RNGTT: variants seen among roughly 807,000 people sequenced by gnomAD.
RNGTT encodes mRNA-capping enzyme.
A neutral mutation model predicts 79.3 loss-of-function variants in RNGTT; 33 were observed. That is an observed-to-expected ratio of 0.42 (90% CI 0.32 to 0.56). The LOEUF is 0.56. Among genes scored for constraint, RNGTT ranks in the 20% least tolerant of loss-of-function variants. The pLI, the probability that RNGTT is intolerant of heterozygous loss-of-function variation, is 0.17. For missense variants in RNGTT, 497 were observed against 739.1 expected, an observed-to-expected ratio of 0.67 and a Z score of 3.80; for synonymous variants, 222 against 235.9, an observed-to-expected ratio of 0.94 and a Z score of 0.54.
rs577467299 is a variant in RNGTT at position 88,725,143 on chromosome 6, T to C, written c.1439+44631A>G. Among the ~76,000 whole-genome samples, 177 of 152,360 alleles carry C rather than the reference T, an allele frequency of 1.2e-3. 1 individual carries two copies. The highest frequency in any genetic ancestry group is 2.2e-3 in the Non-Finnish European group (150 of 68,034). On this transcript the variant is annotated intron_variant, in intron 13 of 15. Transcript: ENST00000369485. ...AACAATTCCGGGGCTGGCCGGGGAT[T>C]ACATTCCCTTCCCGGGGCGGTCTCT...
chr6:88,920,883 A>G, intron 4 of RNGTT, among the ~76,000 whole-genome samples: 1 of 152,272 alleles, frequency 6.6e-6, no homozygotes, highest in Middle Eastern at 3.4e-3. Context: ...AGTGATATAT[A>G]TATATTTTGT....
intron 14 of RNGTT, among the ~76,000 whole-genome samples, chr6:88,634,847 G>T (rs1177725573): frequency 6.6e-6 from 1 of 151,992 alleles, no homozygotes; most frequent in East Asian, 1.9e-4. Flanking sequence ...AATCAATGTG[G>T]AGAGAAAAAT....
chr6:88,647,589 G>C (rs1773615116), intron 14 of RNGTT, among the ~76,000 whole-genome samples: 1 of 151,572 alleles, frequency 6.6e-6, no homozygotes, highest in Non-Finnish European at 1.5e-5. Flanking sequence ...GCATGCACCT[G>C]TAGTCCCAGC....
At chr6:88,716,883 G>T (rs550663732) in intron 13 of RNGTT, among the ~76,000 whole-genome samples, 5 of 152,038 alleles carry the variant, frequency 3.3e-5, no homozygotes, top group Admixed American at 3.3e-4. Context: ...CGAGTTACTG[G>T]GTGCAGCACA....
chr6:88,695,129 C>T (rs1775617179), intron 13 of RNGTT, among the ~76,000 whole-genome samples: 2 of 151,970 alleles, frequency 1.3e-5, no homozygotes, highest in East Asian at 3.9e-4. Flanking sequence ...GAATTTGACC[C>T]TAAAAGTTCA....
intron 11 of RNGTT, among the ~76,000 whole-genome samples, chr6:88,809,595 A>G (rs1176824338): frequency 6.6e-6 from 1 of 152,232 alleles, no homozygotes; most frequent in African/African-American, 2.4e-5. Context: ...AAAATTAAAT[A>G]ACACACTTCT....
intron 14 of RNGTT, among the ~76,000 whole-genome samples, chr6:88,647,856 C>A (rs1773639160): frequency 1.3e-5 from 2 of 151,740 alleles, no homozygotes; most frequent in Non-Finnish European, 2.9e-5. Flanking sequence ...GTAAGTCTAA[C>A]AGACTTAGGC....
chr6:88,761,018 T>TACACAC (rs59719740), intron 13 of RNGTT, among the ~76,000 whole-genome samples: 8,315 of 131,114 alleles, frequency 0.063, 286 homozygotes, highest in Middle Eastern at 0.097. Flanking sequence ...GCAAAAGAAA[T>TACACAC]ACACACACAC....
Position 88,791,935 on chromosome 6 carries a change from A to C in RNGTT, c.1338+9629T>G, listed in dbSNP as rs961686150. ...CTAAAAAATATATATTTTAAATGGA[A>C]ACTTTATAACAAATGGTACACCATT... On this transcript the variant is annotated intron_variant, in intron 12 of 15. Coordinates refer to ENST00000369485, the MANE Select transcript of RNGTT (RefSeq NM_003800.5). Among the ~76,000 whole-genome samples the C allele has an allele frequency of 3.3e-5, 5 of 152,312 alleles. No homozygotes were observed. In the South Asian group the frequency reaches 1.0e-3, roughly 32 times the overall value.
In RNGTT at chr6:88,904,891, A is replaced by G. The variant is rs1345452626; in HGVS notation, c.508T>C (p.Leu170=). The G allele has an allele frequency of 1.9e-6, 3 of 1,614,112 alleles. No individual in the cohort carries two copies. Among genetic ancestry groups the G allele is most frequent in the Admixed American group, 1.7e-5 (1 of 60,018 alleles). The change falls in exon 6 of 16, where the codon TTG becomes CTG. Residue 170 remains leucine (L), a synonymous_variant. Coordinates refer to ENST00000369485, the MANE Select transcript of RNGTT (RefSeq NM_003800.5). ...RPPGIYKGDY[L]KELFRRYGDI... ...CCATACCGACGAAAAAGTTCCTTCA[A>G]ATAATCACCCTTGTAGATTCCTGGT...
At chr6:88,873,412 A>C (rs1304566796) in intron 8 of RNGTT, among the ~76,000 whole-genome samples, 1 of 152,236 alleles carries the variant, frequency 6.6e-6, no homozygotes, top group East Asian at 1.9e-4. Context: ...ACAGGCAGAG[A>C]ACAAGAATGT....
rs1776121265 is a variant in RNGTT at position 88,706,092 on chromosome 6, C to A, written c.1440-27673G>T. On this transcript the variant is annotated intron_variant, in intron 13 of 15. Coordinates refer to ENST00000369485, the MANE Select transcript of RNGTT (RefSeq NM_003800.5). ...CTGAATTTGCCAATATTCCTTGAGT[C>A]CAAAAACACAAAAATTGTTCTCATG... 3.3e-5 allele frequency among the ~76,000 whole-genome samples: 5 copies of A among 152,008 alleles called. No individual in the cohort carries two copies. The Middle Eastern group carries it at 0.01, about 312-fold the overall frequency.
At chr6:88,857,853 T>C (rs967997254) in intron 8 of RNGTT, among the ~76,000 whole-genome samples, 2 of 152,204 alleles carry the variant, frequency 1.3e-5, no homozygotes, top group African/African-American at 4.8e-5. Context: ...CATTAAGCTT[T>C]TCTGTACTTT....
chr6:88,738,893 A>C (rs1309165645), intron 13 of RNGTT, among the ~76,000 whole-genome samples: 1 of 151,924 alleles, frequency 6.6e-6, no homozygotes, highest in Non-Finnish European at 1.5e-5. Context: ...GGAAGAAATA[A>C]TGCATTCACA....
intron 6 of RNGTT, among the ~76,000 whole-genome samples, chr6:88,901,464 T>C (rs1783455444): frequency 7.1e-6 from 1 of 140,434 alleles, no homozygotes; most frequent in South Asian, 2.3e-4. Context: ...CTCAAAGTGC[T>C]AGAAAAAAAA....
At chr6:88,731,588 C>T (rs9362548) in intron 13 of RNGTT, among the ~76,000 whole-genome samples, 19,451 of 151,976 alleles carry the variant, frequency 0.13, 1,430 homozygotes, top group Middle Eastern at 0.23. Context: ...AAATATACAA[C>T]AATAAAAAAT....
In RNGTT at chr6:88,644,182, C is replaced by T. The variant is rs188369801; in HGVS notation, c.1507-29787G>A. Reference sequence around the variant, plus strand: ...TGACAAAGGGGATATCACCACCGATCCCACAGAAATACAAACTACCATCAG... The same window carrying T: ...TGACAAAGGGGATATCACCACCGATTCCACAGAAATACAAACTACCATCAG... On this transcript the variant is annotated intron_variant, in intron 14 of 15. Coordinates refer to ENST00000369485, the MANE Select transcript of RNGTT (RefSeq NM_003800.5). Among the ~76,000 whole-genome samples the T allele has an allele frequency of 2.0e-3, 304 of 152,218 alleles. 2 individuals are homozygous for T. Among genetic ancestry groups the T allele is most frequent in the African/African-American group, 7.2e-3 (298 of 41,518 alleles).
At chr6:88,711,913 T>C (rs1776332794) in intron 13 of RNGTT, among the ~76,000 whole-genome samples, 1 of 152,228 alleles carries the variant, frequency 6.6e-6, no homozygotes, top group Admixed American at 6.5e-5. Flanking sequence ...TGAGAAATGA[T>C]AATCTATTTT....
intron 2 of RNGTT, among the ~76,000 whole-genome samples, chr6:88,934,933 T>C (rs756856758): frequency 6.6e-6 from 1 of 152,334 alleles, no homozygotes. Context: ...TCCAGTTTCA[T>C]ATCATCCCAT....
Sources: allele counts gnomAD v4.1 joint callset (sites outside exome capture counted in the v4.1 genomes callset), GRCh38; gene constraint gnomAD v4.1.1; transcripts MANE v1.5; gene names NCBI Gene and HGNC (gene_info 2026-07-23, HGNC 2026-07-21).